Variants in CELF2 observed in about 807,000 individuals in gnomAD.
CELF2 encodes CUGBP Elav-like family member 2.
In CELF2, 8 loss-of-function variants were observed where a neutral mutation model predicts 62.6. The observed-to-expected ratio is 0.13, with a 90% CI of 0.07 to 0.23. The LOEUF is 0.23. Among genes scored for constraint, CELF2 ranks in the 10% least tolerant of loss-of-function variants. The pLI is 1.00. For synonymous variants in CELF2, 258 were observed against 250.0 expected, an observed-to-expected ratio of 1.03 and a Z score of -0.30; for missense variants, 333 against 671.0, an observed-to-expected ratio of 0.50 and a Z score of 5.56.
intron 2 of CELF2, among the ~76,000 whole-genome samples, chr10:10,942,112 G>GA (rs900204610): frequency 3.1e-4 from 47 of 149,644 alleles, no homozygotes; most frequent in East Asian, 1.2e-3. Context: ...TGGGCCTCAG[G>GA]AAAAAAAAAA....
chr10:10,594,409 A>C, the CELF2 span, among the ~76,000 whole-genome samples: 1 of 148,774 alleles, frequency 6.7e-6, no homozygotes, highest in Non-Finnish European at 1.5e-5. Flanking sequence ...AGTTCGAGCT[A>C]ACCTGTGCCC....
chr10:10,705,631 G>A, the CELF2 span, among the ~76,000 whole-genome samples: 1 of 152,118 alleles, frequency 6.6e-6, no homozygotes, highest in East Asian at 1.9e-4. Flanking sequence ...GTTTGGGTTT[G>A]GGTTTGTATC....
the CELF2 span, among the ~76,000 whole-genome samples, chr10:10,534,753 G>A: frequency 2.0e-5 from 3 of 152,176 alleles, no homozygotes. Flanking sequence ...TTCTTAGAAT[G>A]AATCAAGAGG....
intron 1 of CELF2, chr10:10,798,841 G>T (rs2054337560): frequency 5.0e-6 from 2 of 398,904 alleles, no homozygotes; most frequent in Non-Finnish European, 8.8e-6. Context: ...GCTTTCTCTT[G>T]CATCCTGGTT....
At chr10:10,744,542 G>A in the CELF2 span, among the ~76,000 whole-genome samples, 18 of 152,320 alleles carry the variant, frequency 1.2e-4, 1 homozygote, top group South Asian at 3.7e-3. Context: ...ACTGTGGTTA[G>A]TACACAAACC....
chr10:11,110,144 C>T lies in CELF2; in HGVS notation c.75-55342C>T, dbSNP rs1328481992. ...GGCATGGTGGCATGCTCCTGTAGTCCCAGCTACTTGGGGAGGGGAGAGCAG... is the reference window on the plus strand; with the variant it reads ...GGCATGGTGGCATGCTCCTGTAGTCTCAGCTACTTGGGGAGGGGAGAGCAG... On this transcript the variant is annotated intron_variant, in intron 1 of 12. Coordinates refer to ENST00000633077, the MANE Select transcript of CELF2 (RefSeq NM_001326342.2). The surrounding 1 kb of genome is among the most constrained non-coding windows in gnomAD (Gnocchi z 4.0). Among the ~76,000 whole-genome samples, 1 of 151,980 alleles carries T rather than the reference C, an allele frequency of 6.6e-6. No individual in the cohort carries two copies. Among genetic ancestry groups the T allele is most frequent in the Non-Finnish European group, 1.5e-5 (1 of 67,986 alleles).
the CELF2 span, among the ~76,000 whole-genome samples, chr10:10,626,901 T>C: frequency 2.6e-5 from 4 of 152,218 alleles, no homozygotes; most frequent in Non-Finnish European, 2.9e-5. Context: ...GCTCAGAGGA[T>C]TTTTGTTTCC....
chr10:11,104,463 G>T (rs572431360), intron 1 of CELF2, among the ~76,000 whole-genome samples: 2 of 152,176 alleles, frequency 1.3e-5, no homozygotes, highest in Admixed American at 6.5e-5. Flanking sequence ...GGCCAAGGCA[G>T]GAGAATCACA....
chr10:11,178,017 A>G lies in CELF2; in HGVS notation c.271+12335A>G, dbSNP rs1348057134. Among the ~76,000 whole-genome samples, 1 of 152,170 alleles carries G rather than the reference A, an allele frequency of 6.6e-6. No homozygotes were observed. The highest frequency in any genetic ancestry group is 1.5e-5 in the Non-Finnish European group (1 of 68,026). ...TGCCTGGTAGGATAAAGGAGACGAC[A>G]TCTGAAAAGAGGGTTTCAGGTGTTT... On this transcript the variant is annotated intron_variant, in intron 2 of 12. Coordinates refer to ENST00000633077, the MANE Select transcript of CELF2 (RefSeq NM_001326342.2). This position sits in a 1 kb window ranked among gnomAD's most constrained non-coding sequence, Gnocchi z 4.3.
intron 2 of CELF2, among the ~76,000 whole-genome samples, chr10:10,961,884 C>G (rs1437025647): frequency 6.6e-6 from 1 of 151,388 alleles, no homozygotes; most frequent in Non-Finnish European, 1.5e-5. Context: ...ATCTTTTTTT[C>G]CCACCTAAGT....
chr10:10,907,547 G>A (rs1340743802), intron 1 of CELF2, among the ~76,000 whole-genome samples: 6 of 152,168 alleles, frequency 3.9e-5, no homozygotes. Context: ...CATGCAGACA[G>A]TGCACCCACA....
chr10:11,070,323 C>G (rs1484457193), intron 1 of CELF2, among the ~76,000 whole-genome samples: 1 of 151,830 alleles, frequency 6.6e-6, no homozygotes, highest in Non-Finnish European at 1.5e-5. Flanking sequence ...AGCGGTGGGG[C>G]GAGGCTGGAG....
At chr10:10,709,517 A>C in the CELF2 span, among the ~76,000 whole-genome samples, 1 of 152,162 alleles carries the variant, frequency 6.6e-6, no homozygotes, top group Non-Finnish European at 1.5e-5. Flanking sequence ...CTTTTCTATG[A>C]AAGATTAGGG....
At chr10:10,830,481 G>C (rs1376511942) in intron 1 of CELF2, among the ~76,000 whole-genome samples, 4 of 152,050 alleles carry the variant, frequency 2.6e-5, no homozygotes, top group Admixed American at 2.0e-4. Context: ...CCATAATGAA[G>C]CCAAGTTTGA....
chr10:10,787,228 A>G, the CELF2 span, among the ~76,000 whole-genome samples: 1 of 150,342 alleles, frequency 6.7e-6, no homozygotes, highest in Non-Finnish European at 1.5e-5. Context: ...GTTTGATGTC[A>G]CACACACACA....
rs1348159036 is a variant in CELF2 at position 11,306,172 on chromosome 10, G to A, written c.977-7967G>A. 6.6e-6 allele frequency among the ~76,000 whole-genome samples: 1 copy of A among 152,032 alleles called. No homozygotes were observed. Among genetic ancestry groups the A allele is most frequent in the Non-Finnish European group, 1.5e-5 (1 of 68,026 alleles). On this transcript the variant is annotated intron_variant, in intron 9 of 12. Transcript: ENST00000633077. The surrounding 1 kb of genome is among the most constrained non-coding windows in gnomAD (Gnocchi z 4.4). ...GCAGCCTCCGTCTGGGATCCTCTTG[G>A]CTTTGTTCTGCCTCCTCCTGCTTGG...
At chr10:10,582,168 C>T in the CELF2 span, among the ~76,000 whole-genome samples, 3 of 152,210 alleles carry the variant, frequency 2.0e-5, no homozygotes, top group African/African-American at 7.2e-5. Flanking sequence ...TTTCTATCCA[C>T]TTGACCGAAT....
At position 11,242,376 on chromosome 10, in the gene CELF2, C is replaced by G. The variant is rs77730113; in HGVS notation, c.355-6777C>G. ...CCTGCCCGCAGCTGCTTCCTTCCCCCAGGACTCTGTCTCCAGACTAGGCCT... is the reference window on the plus strand; with the variant it reads ...CCTGCCCGCAGCTGCTTCCTTCCCCGAGGACTCTGTCTCCAGACTAGGCCT... On this transcript the variant is annotated intron_variant, in intron 3 of 12. Coordinates refer to ENST00000633077, the MANE Select transcript of CELF2 (RefSeq NM_001326342.2). The surrounding 1 kb of genome is among the most constrained non-coding windows in gnomAD (Gnocchi z 4.8). Among the ~76,000 whole-genome samples, 19,686 of 152,156 alleles carry G rather than the reference C, an allele frequency of 0.13. 1,624 individuals are homozygous for G. Among genetic ancestry groups the G allele is most frequent in the South Asian group, 0.28 (1,328 of 4,826 alleles).
At chr10:11,024,900 G>A (rs149278118) in intron 1 of CELF2, among the ~76,000 whole-genome samples, 1 of 152,276 alleles carries the variant, frequency 6.6e-6, no homozygotes, top group East Asian at 1.9e-4. Context: ...CCATAACAGT[G>A]TACTCCCAAG....
Sources: gnomAD v4.1 joint callset for allele counts (sites outside exome capture counted in the v4.1 genomes callset) on GRCh38, gnomAD v4.1.1 for gene constraint, Gnocchi (gnomAD v3.1) non-coding constraint, MANE v1.5 for transcripts, NCBI Gene and HGNC (gene_info 2026-07-23, HGNC 2026-07-21) for gene names.